Variants in ADGRA3 observed in about 807,000 individuals in gnomAD.
ADGRA3 encodes adhesion G protein-coupled receptor A3.
Under a neutral mutation model 119.8 loss-of-function variants are expected in ADGRA3, and 56 were observed. The ratio of observed to expected loss-of-function variants is 0.47; its 90% CI spans 0.38 to 0.58. The LOEUF (loss-of-function observed/expected upper bound fraction) is 0.58, where lower values mean the gene tolerates loss of function less well. ADGRA3 is among the 20% of genes least tolerant of loss of function. The probability of loss-of-function intolerance (pLI) is 0.00; values close to 1 mark genes in which losing one functional copy is unlikely to be tolerated. For missense variants in ADGRA3, 1,516 were observed against 1,649.0 expected (o/e 0.92, Z 1.40); for synonymous variants, 607 against 623.8 (o/e 0.97, Z 0.40).
chr4:22,420,683 T>A (rs912258444), intron 12 of ADGRA3: 1 of 577,332 alleles, frequency 1.7e-6, no homozygotes, highest in African/African-American at 1.9e-5. Flanking sequence ...AGAAAGGGAA[T>A]CAAAGGCAAA....
intron 1 of ADGRA3, among the ~76,000 whole-genome samples, chr4:22,499,683 T>G (rs1718982678): frequency 6.6e-6 from 1 of 152,142 alleles, no homozygotes; most frequent in African/African-American, 2.4e-5. Context: ...CAGGATAAAA[T>G]TTTCAATCTC....
intron 12 of ADGRA3, among the ~76,000 whole-genome samples, chr4:22,415,615 A>T (rs1466856852): frequency 6.6e-6 from 1 of 152,168 alleles, no homozygotes; most frequent in Non-Finnish European, 1.5e-5. Flanking sequence ...CATTTATTAA[A>T]ACTCAAGTAC....
intron 1 of ADGRA3, among the ~76,000 whole-genome samples, chr4:22,494,895 G>A (rs758798280): frequency 6.6e-6 from 1 of 151,894 alleles, no homozygotes; most frequent in Non-Finnish European, 1.5e-5. Context: ...AAGACCCCTA[G>A]TGGATACTTA....
chr4:22,436,732 A>T (rs1716410654), intron 8 of ADGRA3, 91 bp from the exon 9 acceptor site: 1 of 1,108,406 alleles, frequency 9.0e-7, no homozygotes, highest in Non-Finnish European at 1.3e-6. Flanking sequence ...AAAGATGAAG[A>T]TGTGTCATGT....
chr4:22,446,289 T>C (rs148518646), intron 5 of ADGRA3, among the ~76,000 whole-genome samples: 80 of 152,300 alleles, frequency 5.3e-4, no homozygotes, highest in African/African-American at 1.8e-3. Flanking sequence ...TTCCTAACAC[T>C]ACCAGGTAAA....
At chr4:22,428,528 C>G (rs995932595) in intron 10 of ADGRA3, among the ~76,000 whole-genome samples, 1 of 152,122 alleles carries the variant, frequency 6.6e-6, no homozygotes, top group Admixed American at 6.6e-5. Context: ...CAAGAATTAA[C>G]AGACACATGC....
chr4:22,482,509 A>G (rs1718288583), intron 1 of ADGRA3, among the ~76,000 whole-genome samples: 1 of 151,576 alleles, frequency 6.6e-6, no homozygotes, highest in Non-Finnish European at 1.5e-5. Flanking sequence ...AAAAAAAAGT[A>G]AAGACAACAG....
chr4:22,413,493 T>C (rs374123132), intron 13 of ADGRA3, 103 bp from the exon 14 acceptor site: 1 of 1,361,192 alleles, frequency 7.3e-7, no homozygotes, highest in Non-Finnish European at 1.0e-6. Flanking sequence ...CTTTCTTCAC[T>C]AGTGACTCAT....
chr4:22,501,185 G>A (rs767666974), intron 1 of ADGRA3, among the ~76,000 whole-genome samples: 1 of 152,040 alleles, frequency 6.6e-6, no homozygotes, highest in African/African-American at 2.4e-5. Context: ...TCTTCATCTA[G>A]CCTATGGGTT....
At position 22,388,337 on chromosome 4, in the gene ADGRA3, C is replaced by A. The variant is rs764007687; in HGVS notation, c.3334G>T (p.Gly1112Cys). ...GCCTGCAAGTTTGTTAATTTGCAGC[C>A]CTGGGAGGAATTTTTGAAGCTTGAA... ...SASSFKNSSQ[G>C]CKLTNLQAAA... Residue 1112 changes from glycine (G) to cysteine (C), a missense_variant, in exon 19 of 19, where the codon GGC (glycine) becomes TGC (cysteine). By Grantham distance (159) the Gly-to-Cys change is radical. Transcript: ENST00000334304. 5.6e-6 allele frequency: 9 copies of A among 1,613,924 alleles called. No homozygotes were observed. In the South Asian group the frequency reaches 9.9e-5, roughly 18 times the overall value.
At chr4:22,412,791 A>G (rs1386383979) in intron 14 of ADGRA3, among the ~76,000 whole-genome samples, 5 of 152,200 alleles carry the variant, frequency 3.3e-5, no homozygotes, top group Admixed American at 6.5e-5. Flanking sequence ...AGTGGGAAAC[A>G]GCGCTAGATT....
chr4:22,441,998 A>C (rs1478181258), intron 7 of ADGRA3, among the ~76,000 whole-genome samples: 1 of 152,152 alleles, frequency 6.6e-6, no homozygotes, highest in African/African-American at 2.4e-5. Flanking sequence ...AGAGAGTCTG[A>C]AAACTGCAGC....
At chr4:22,448,018 A>G (rs1373708254) in intron 4 of ADGRA3, among the ~76,000 whole-genome samples, 2 of 152,208 alleles carry the variant, frequency 1.3e-5, no homozygotes, top group African/African-American at 4.8e-5. Context: ...GACTGGGGAT[A>G]TAATTCCACG....
At chr4:22,469,056 G>GA (rs571310103) in intron 2 of ADGRA3, among the ~76,000 whole-genome samples, 3 of 150,386 alleles carry the variant, frequency 2.0e-5, no homozygotes, top group Non-Finnish European at 4.4e-5. Flanking sequence ...ATTACCTGGG[G>GA]AAAAAAAAAG....
intron 12 of ADGRA3, among the ~76,000 whole-genome samples, chr4:22,416,239 A>G (rs769926899): frequency 3.4e-4 from 51 of 152,180 alleles, no homozygotes; most frequent in Non-Finnish European, 7.1e-4. Flanking sequence ...AGTTCATTTA[A>G]CCATACATTT....
At chr4:22,394,156 A>G (rs1271262152) in intron 16 of ADGRA3, 1 of 152,128 alleles carries the variant, frequency 6.6e-6, no homozygotes, top group African/African-American at 2.4e-5. Context: ...CTGTCATTCT[A>G]AAGGGATGCC....
At chr4:22,507,816 T>G (rs61793418) in intron 1 of ADGRA3, among the ~76,000 whole-genome samples, 14,402 of 152,204 alleles carry the variant, frequency 0.095, 879 homozygotes, top group Middle Eastern at 0.14. Context: ...CCCAACACAG[T>G]CTATGCGTGT....
chr4:22,417,158 G>A (rs951677170), intron 12 of ADGRA3, among the ~76,000 whole-genome samples: 8 of 152,106 alleles, frequency 5.3e-5, no homozygotes, highest in Non-Finnish European at 5.9e-5. Flanking sequence ...ACCACCTTTT[G>A]AGTTTCTCAC....
chr4:22,428,934 T>C (rs1716049238), intron 10 of ADGRA3, among the ~76,000 whole-genome samples: 1 of 152,018 alleles, frequency 6.6e-6, no homozygotes, highest in Admixed American at 6.6e-5. Context: ...ATGATGAGGA[T>C]GAGGGTAACA....
Sources: gnomAD v4.1 joint callset for allele counts (sites outside exome capture counted in the v4.1 genomes callset) on GRCh38, gnomAD v4.1.1 for gene constraint, MANE v1.5 for transcripts, NCBI Gene and HGNC (gene_info 2026-07-23, HGNC 2026-07-21) for gene names.